ELMO1: variants seen among roughly 807,000 people sequenced by gnomAD.
ELMO1 encodes engulfment and cell motility 1.
Under a neutral mutation model 98.9 loss-of-function variants are expected in ELMO1, and 26 were observed. That is an observed-to-expected ratio of 0.26 (90% confidence interval 0.19 to 0.36). ELMO1 has a LOEUF of 0.36. Among genes scored for constraint, ELMO1 ranks in the 10% least tolerant of loss-of-function variants. The probability of loss-of-function intolerance (pLI) is 1.00; values close to 1 mark genes in which losing one functional copy is unlikely to be tolerated. For missense variants in ELMO1, 627 were observed against 935.2 expected (o/e 0.67, Z 4.30); for synonymous variants, 346 against 346.0 (o/e 1.00, Z 0.00).
chr7:36,868,705 C>T (rs1214400881), intron 20 of ELMO1, among the ~76,000 whole-genome samples: 1 of 152,154 alleles, frequency 6.6e-6, no homozygotes, highest in East Asian at 1.9e-4. Flanking sequence ...TATGTTGGGG[C>T]TGAAACAGGA....
intron 15 of ELMO1, among the ~76,000 whole-genome samples, chr7:37,060,734 C>T (rs1313518892): frequency 1.3e-5 from 2 of 152,056 alleles, no homozygotes; most frequent in Non-Finnish European, 2.9e-5. Flanking sequence ...GTTTTACTGC[C>T]CATAAAATAT....
At chr7:37,189,203 C>G (rs994775448) in intron 13 of ELMO1, among the ~76,000 whole-genome samples, 1 of 152,156 alleles carries the variant, frequency 6.6e-6, no homozygotes, top group African/African-American at 2.4e-5. Context: ...AAGATTCAAA[C>G]TGCATTGCCA....
At chr7:36,990,185 C>T (rs1791781626) in intron 16 of ELMO1, among the ~76,000 whole-genome samples, 1 of 152,060 alleles carries the variant, frequency 6.6e-6, no homozygotes, top group African/African-American at 2.4e-5. Flanking sequence ...AGACTGGGTG[C>T]TCTATTTAGT....
At chr7:37,284,389 A>G (rs1384802639) in intron 4 of ELMO1, among the ~76,000 whole-genome samples, 1 of 152,154 alleles carries the variant, frequency 6.6e-6, no homozygotes, top group African/African-American at 2.4e-5. Flanking sequence ...AGTGAATGAG[A>G]TGGGAAGGGA....
chr7:37,047,070 A>G lies in ELMO1; in HGVS notation c.1301-33635T>C, dbSNP rs146720359. ...ATGTCATAGTTGGTCTTAGGTAGTC[A>G]CTGTTGTTGCTTATTTAACTTGTAA... On this transcript the variant is annotated intron_variant, in intron 15 of 21. Coordinates refer to ENST00000310758, the MANE Select transcript of ELMO1 (RefSeq NM_014800.11). Among the ~76,000 whole-genome samples the G allele has an allele frequency of 2.1e-4, 32 of 152,296 alleles. No homozygotes were observed. The East Asian group carries it at 5.0e-3, about 24-fold the overall frequency.
At chr7:37,423,181 T>A (rs550136815) in intron 1 of ELMO1, among the ~76,000 whole-genome samples, 1 of 152,300 alleles carries the variant, frequency 6.6e-6, no homozygotes, top group Admixed American at 6.5e-5. Context: ...GTAACATATG[T>A]CATAATTTCA....
At chr7:37,165,130 C>A (rs1387913292) in intron 13 of ELMO1, among the ~76,000 whole-genome samples, 2 of 152,196 alleles carry the variant, frequency 1.3e-5, no homozygotes, top group African/African-American at 4.8e-5. Flanking sequence ...TGATTTGGCT[C>A]TCTGTTCGTC....
chr7:37,071,390 GA>G (rs369178737), intron 15 of ELMO1, among the ~76,000 whole-genome samples: 337 of 151,706 alleles, frequency 2.2e-3, no homozygotes, highest in African/African-American at 7.4e-3. Flanking sequence ...ACAATCTTAG[GA>G]AAAAAAATGT....
At chr7:37,242,736 T>C (rs1195153221) in intron 7 of ELMO1, among the ~76,000 whole-genome samples, 1 of 152,204 alleles carries the variant, frequency 6.6e-6, no homozygotes, top group Non-Finnish European at 1.5e-5. Context: ...AGGGTTTACA[T>C]GTGGATGTGG....
chr7:36,867,291 C>T (rs955087698), intron 20 of ELMO1, among the ~76,000 whole-genome samples: 1 of 152,130 alleles, frequency 6.6e-6, no homozygotes, highest in African/African-American at 2.4e-5. Flanking sequence ...ATCATTTACT[C>T]GGTTTTACTT....
intron 2 of ELMO1, among the ~76,000 whole-genome samples, chr7:37,327,717 C>A (rs1333249512): frequency 6.6e-6 from 1 of 152,112 alleles, no homozygotes. Context: ...TGGCAATGGA[C>A]ATGATGAGAC....
At chr7:36,924,421 C>A (rs1458094867) in intron 16 of ELMO1, among the ~76,000 whole-genome samples, 1 of 152,060 alleles carries the variant, frequency 6.6e-6, no homozygotes, top group Non-Finnish European at 1.5e-5. Flanking sequence ...CATTCTGGAA[C>A]CCCAAATACT....
intron 16 of ELMO1, among the ~76,000 whole-genome samples, chr7:36,947,182 C>A (rs568575008): frequency 5.8e-4 from 88 of 152,122 alleles, no homozygotes; most frequent in Non-Finnish European, 1.0e-3. Flanking sequence ...CCCTGTGTAC[C>A]CAATGTTTAG....
At chr7:37,374,611 TGTG>T (rs1226009378) in intron 1 of ELMO1, among the ~76,000 whole-genome samples, 1 of 151,738 alleles carries the variant, frequency 6.6e-6, no homozygotes, top group East Asian at 1.9e-4. Context: ...ATTAGCCAGG[TGTG>T]GTGGCACGCA....
chr7:36,915,676 C>T (rs1392478902), intron 16 of ELMO1, among the ~76,000 whole-genome samples: 1 of 152,192 alleles, frequency 6.6e-6, no homozygotes, highest in South Asian at 2.1e-4. Flanking sequence ...GTAAAAATAG[C>T]ATGGGTTTGT....
rs1021685661 is a variant in ELMO1 at position 37,200,543 on chromosome 7, G to A, written c.1086+10843C>T. 4.6e-5 allele frequency among the ~76,000 whole-genome samples: 7 copies of A among 152,234 alleles called. No homozygotes were observed. The South Asian group carries it at 1.0e-3, about 23-fold the overall frequency. ...TGGCAATCCTCTCTTCACCTGTGACGAATGGGCCACCTGAAAAGGATGCCC... is the reference window on the plus strand; with the variant it reads ...TGGCAATCCTCTCTTCACCTGTGACAAATGGGCCACCTGAAAAGGATGCCC... On this transcript the variant is annotated intron_variant, in intron 13 of 21. Transcript: ENST00000310758.
chr7:37,061,101 A>G (rs1224395977), intron 15 of ELMO1, among the ~76,000 whole-genome samples: 1 of 152,202 alleles, frequency 6.6e-6, no homozygotes, highest in African/African-American at 2.4e-5. Flanking sequence ...TTCATTTGTC[A>G]CTGATAGAAC....
chr7:37,172,459 CTTCAT>C (rs781026474), intron 13 of ELMO1, among the ~76,000 whole-genome samples: 7 of 152,158 alleles, frequency 4.6e-5, no homozygotes, highest in Non-Finnish European at 8.8e-5. Context: ...TCAAGACATC[CTTCAT>C]TTCATTTCCT....
chr7:37,103,758 A>G (rs1309120510), intron 14 of ELMO1, among the ~76,000 whole-genome samples: 1 of 151,936 alleles, frequency 6.6e-6, no homozygotes, highest in Non-Finnish European at 1.5e-5. Flanking sequence ...GCACTTTGGG[A>G]GGCCGAGGCA....
Sources: gnomAD v4.1 joint callset for allele counts (sites outside exome capture counted in the v4.1 genomes callset) on GRCh38, gnomAD v4.1.1 for gene constraint, MANE v1.5 for transcripts, NCBI Gene and HGNC (gene_info 2026-07-23, HGNC 2026-07-21) for gene names.